The following LRBA variants were observed in gnomAD, a reference collection of about 807,000 sequenced individuals.
LRBA encodes the protein LPS responsive beige-like anchor protein, also known as lipopolysaccharide-responsive and beige-like anchor protein.
In LRBA, 176 loss-of-function variants were observed where a neutral mutation model predicts 330.0. The ratio of observed to expected loss-of-function variants is 0.53; its 90% CI spans 0.47 to 0.60. The LOEUF is 0.60. Among genes scored for constraint, LRBA ranks in the 20% least tolerant of loss-of-function variants. The pLI is 0.00. For synonymous variants in LRBA, 1,230 were observed against 1,193.0 expected (o/e 1.03, Z -0.64); for missense variants, 3,259 against 3,444.8 (o/e 0.95, Z 1.35).
At chr4:150,609,363 A>G (rs1774996898) in intron 37 of LRBA, among the ~76,000 whole-genome samples, 1 of 152,174 alleles carries the variant, frequency 6.6e-6, no homozygotes, top group Admixed American at 6.5e-5. Context: ...ACAATGAAAC[A>G]TGTAGATCCA....
intron 40 of LRBA, among the ~76,000 whole-genome samples, chr4:150,504,359 CA>C (rs1760746824): frequency 6.6e-6 from 1 of 152,146 alleles, no homozygotes; most frequent in Non-Finnish European, 1.5e-5. Context: ...TCGGGTTACC[CA>C]CAAAGGGAAG....
chr4:150,626,783 C>T (rs183744574), intron 37 of LRBA, among the ~76,000 whole-genome samples: 1 of 151,944 alleles, frequency 6.6e-6, no homozygotes, highest in Admixed American at 6.6e-5. Context: ...AATGGGATTA[C>T]CATTAGAAGA....
intron 33 of LRBA, among the ~76,000 whole-genome samples, chr4:150,803,434 T>C (rs1022622044): frequency 6.6e-6 from 1 of 152,118 alleles, no homozygotes; most frequent in African/African-American, 2.4e-5. Context: ...CTATACTTAC[T>C]ACTTTTGTGA....
chr4:150,689,275 C>T (rs774531328), intron 36 of LRBA, among the ~76,000 whole-genome samples: 4 of 151,866 alleles, frequency 2.6e-5, no homozygotes, highest in East Asian at 1.9e-4. Flanking sequence ...CATATGGGCA[C>T]GGAGAGGGGA....
At chr4:150,646,065 A>G (rs1779109942) in intron 37 of LRBA, among the ~76,000 whole-genome samples, 1 of 151,910 alleles carries the variant, frequency 6.6e-6, no homozygotes, top group Admixed American at 6.6e-5. Flanking sequence ...AAAATCTAAA[A>G]TATTTACTAT....
chr4:150,779,528 T>C (rs1174186791), intron 34 of LRBA, among the ~76,000 whole-genome samples: 13 of 152,084 alleles, frequency 8.5e-5, no homozygotes, highest in Admixed American at 8.5e-4. Flanking sequence ...AGAAATCTCA[T>C]ATATTTACTG....
chr4:150,697,098 G>A (rs567941444), intron 36 of LRBA, among the ~76,000 whole-genome samples: 600 of 150,960 alleles, frequency 4.0e-3, no homozygotes, highest in Non-Finnish European at 4.9e-3. Flanking sequence ...AGGCCAAGGC[G>A]GGTGGATCAT....
chr4:150,672,291 A>G (rs948934261), intron 37 of LRBA, among the ~76,000 whole-genome samples: 1 of 152,066 alleles, frequency 6.6e-6, no homozygotes, highest in Non-Finnish European at 1.5e-5. Flanking sequence ...GTTCAGAACC[A>G]ACACATCAGT....
intron 40 of LRBA, among the ~76,000 whole-genome samples, chr4:150,492,663 A>T (rs1401635881): frequency 2.0e-5 from 3 of 152,168 alleles, no homozygotes; most frequent in Admixed American, 6.5e-5. Flanking sequence ...TATATTTAAT[A>T]GTATCCAGTG....
chr4:150,590,808 G>A lies in LRBA; in HGVS notation c.6098C>T (p.Ala2033Val). Residue 2033 changes from alanine (A) to valine (V), a missense_variant, in exon 39 of 57, where the codon GCT becomes GTT. Ala to Val is a moderately conservative substitution (Grantham distance 64, BLOSUM62 0). Coordinates refer to ENST00000651943, the MANE Select transcript of LRBA (RefSeq NM_001364905.1). Reference protein sequence around the residue: ...AKGKQSIRSQALGNQNSENEI... With the variant: ...AKGKQSIRSQVLGNQNSENEI... ...GTTTTCTGAGTTCTGATTTCCTAAA[G>A]CCTGACTCCTGATGGACTGTTTTCC... is the stretch of plus-strand genomic sequence containing the variant. 1 of 1,613,510 alleles carries A rather than the reference G, an allele frequency of 6.2e-7. No homozygotes were observed. The highest frequency in any genetic ancestry group is 8.5e-7 in the Non-Finnish European group (1 of 1,179,498).
intron 37 of LRBA, among the ~76,000 whole-genome samples, chr4:150,682,140 T>C (rs531987347): frequency 9.2e-5 from 14 of 152,310 alleles, no homozygotes; most frequent in African/African-American, 2.9e-4. Context: ...CAAATGCACA[T>C]TGGGTTCCTA....
At chr4:150,927,162 T>G (rs1308737501) in intron 4 of LRBA, among the ~76,000 whole-genome samples, 1 of 151,182 alleles carries the variant, frequency 6.6e-6, no homozygotes, top group Non-Finnish European at 1.5e-5. Context: ...ATCACAAGGT[T>G]AGGAGATCGA....
In LRBA at chr4:150,302,559, C is replaced by T. The variant is rs967417800; in HGVS notation, c.8017+66G>A. ...CACTTTTACCATAACAAAAAGGTAA[C>T]TTTACTGCAAAATGTTATTCTCTAC... On this transcript the variant is annotated intron_variant, in intron 53 of 56. Transcript: ENST00000651943. 24 of 1,142,458 alleles carry T rather than the reference C, an allele frequency of 2.1e-5. No individual in the cohort carries two copies. The Admixed American group carries it at 2.1e-4, about 10-fold the overall frequency. 70.8% of individuals were successfully genotyped at this position (1,142,458 alleles called of 1,614,324 possible).
intron 35 of LRBA, among the ~76,000 whole-genome samples, chr4:150,741,175 C>T (rs180985706): frequency 6.6e-5 from 10 of 152,064 alleles, no homozygotes; most frequent in African/African-American, 1.4e-4. Context: ...TGAACTACAT[C>T]AAAATTTAAA....
At chr4:150,294,508 T>C (rs888208249) in intron 53 of LRBA, among the ~76,000 whole-genome samples, 2 of 152,320 alleles carry the variant, frequency 1.3e-5, no homozygotes, top group South Asian at 4.1e-4. Flanking sequence ...AGTAAAGGCA[T>C]ATTTATAATT....
intron 11 of LRBA, 120 bp downstream of exon 11, chr4:150,908,213 TA>T: frequency 1.1e-6 from 1 of 925,816 alleles, no homozygotes; most frequent in Non-Finnish European, 1.7e-6. Context: ...TAATACAGTT[TA>T]TAGTTCACAA....
chr4:150,310,081 G>A (rs747792921), intron 52 of LRBA, 148 bp downstream of exon 52: 3 of 574,282 alleles, frequency 5.2e-6, no homozygotes, highest in Non-Finnish European at 9.3e-6. Flanking sequence ...ATTATTATTT[G>A]AAGAGGGAAA....
chr4:150,798,482 T>C (rs1263876206), intron 33 of LRBA, among the ~76,000 whole-genome samples: 2 of 152,206 alleles, frequency 1.3e-5, no homozygotes, highest in African/African-American at 2.4e-5. Context: ...TCGTTATACA[T>C]GCAGAGAAGG....
chr4:150,462,115 G>A (rs1211112541), intron 44 of LRBA, among the ~76,000 whole-genome samples: 1 of 151,660 alleles, frequency 6.6e-6, no homozygotes, highest in Non-Finnish European at 1.5e-5. Flanking sequence ...CTCTTCCAAG[G>A]AGGTTGTCAA....
Sources: gnomAD v4.1 joint callset for allele counts (sites outside exome capture counted in the v4.1 genomes callset) on GRCh38, gnomAD v4.1.1 for gene constraint, MANE v1.5 for transcripts, NCBI Gene and HGNC (gene_info 2026-07-23, HGNC 2026-07-21) for gene names.